UBE2Q1: variants seen among roughly 807,000 people sequenced by gnomAD.
The protein encoded by UBE2Q1 is ubiquitin conjugating enzyme E2 Q1.
A neutral mutation model predicts 60.1 loss-of-function variants in UBE2Q1; 6 were observed. The observed-to-expected ratio is 0.10, with a 90% CI of 0.05 to 0.20. The LOEUF (loss-of-function observed/expected upper bound fraction) is 0.20, where lower values mean the gene tolerates loss of function less well. Ranked by LOEUF, UBE2Q1 falls within the 10% of genes least tolerant of loss-of-function variation. UBE2Q1 has a pLI of 1.00. For missense variants in UBE2Q1, 262 were observed against 525.8 expected (o/e 0.50, Z 4.91); for synonymous variants, 226 against 208.3 (o/e 1.09, Z -0.73).
In UBE2Q1 at chr1:154,553,125, A is replaced by T. The variant is rs1261919616; in HGVS notation, c.636T>A (p.Ala212=). 1.2e-5 allele frequency: 19 copies of T among 1,613,848 alleles called. No homozygotes were observed. Among genetic ancestry groups the T allele is most frequent in the Non-Finnish European group, 1.6e-5 (19 of 1,180,036 alleles). The change falls in exon 5 of 13, where the codon GCT becomes GCA. Residue 212 remains alanine, a synonymous_variant. Transcript: ENST00000292211. ...CATCATCTTCAGATTTCTTGCCCTC[A>T]GCTGGCTCTTCCTCTTTCATTTCAT... ...DHYEMKEEEP[A]EGKKSEDDGI...
At chr1:154,557,531 A>G (rs1323349292) in intron 1 of UBE2Q1, among the ~76,000 whole-genome samples, 1 of 152,170 alleles carries the variant, frequency 6.6e-6, no homozygotes, top group Non-Finnish European at 1.5e-5. Flanking sequence ...TCACATCACT[A>G]TCATTACCAG....
chr1:154,550,255 TTCTG>T lies in UBE2Q1; in HGVS notation c.*179_*182del. The T allele has an allele frequency of 1.2e-6, 1 of 842,258 alleles. No individual in the cohort carries two copies. Among genetic ancestry groups the T allele is most frequent in the East Asian group, 2.5e-5 (1 of 39,820 alleles). The allele number at this position is 842,258 out of a possible 1,614,324, so 52.2% of individuals were successfully genotyped here. The stretch of plus-strand genomic sequence containing the variant: ...AGTCAGTCTTGAGTACTTGAAACAG[TTCTG>T]TGTTTGTTTTTTTTCCTTAGCGTTT... On this transcript the variant is annotated 3_prime_UTR_variant, in exon 13 of 13. Transcript: ENST00000292211.
At chr1:154,557,097 C>A (rs555923350) in intron 1 of UBE2Q1, among the ~76,000 whole-genome samples, 1 of 152,302 alleles carries the variant, frequency 6.6e-6, no homozygotes, top group Admixed American at 6.5e-5. Flanking sequence ...TTTGGTGGGG[C>A]ACCAATCAAT....
rs1341811532 is a variant in UBE2Q1, at chr1:154,552,406, G to C, written c.873C>G (p.Leu291=). 1 of 1,614,220 alleles carries C rather than the reference G, an allele frequency of 6.2e-7. No individual in the cohort carries two copies. The highest frequency in any genetic ancestry group is 1.7e-5 in the Admixed American group (1 of 60,028). ...CCAATCCCAGAGTCCCCACTCACTT[G>C]AGGAGTTTGACATTCCAATCATACA... is the stretch of plus-strand genomic sequence containing the variant. ...DSLYDWNVKL[L]KVDQDSALHN... Residue 291 remains leucine, a splice_region_variant and synonymous_variant, in exon 7 of 13, where the codon CTC becomes CTG. Coordinates refer to ENST00000292211, the MANE Select transcript of UBE2Q1 (RefSeq NM_017582.7).
intron 3 of UBE2Q1, 120 bp from the exon 4 acceptor site, chr1:154,554,905 A>G (rs1695856479): frequency 1.0e-6 from 1 of 997,540 alleles, no homozygotes; most frequent in Non-Finnish European, 1.5e-6. Flanking sequence ...TAATGCTGCC[A>G]GTCTCTCCAC....
intron 5 of UBE2Q1, 68 bp from the exon 6 acceptor site, chr1:154,552,888 G>C: frequency 1.3e-6 from 2 of 1,595,124 alleles, no homozygotes; most frequent in Non-Finnish European, 1.7e-6. Context: ...AGACCTTAGG[G>C]GCAGTCTGGC....
intron 7 of UBE2Q1, 53 bp from the exon 8 acceptor site, chr1:154,552,236 A>G (rs1009265838): frequency 5.6e-6 from 9 of 1,605,422 alleles, no homozygotes; most frequent in South Asian, 4.4e-5. Context: ...CAGGAGCTTC[A>G]TAAGGGCTCC....
At position 154,550,216 on chromosome 1, in the gene UBE2Q1, T is replaced by C. The variant is rs965761847; in HGVS notation, c.*222A>G. 4 of 545,220 alleles carry C rather than the reference T, an allele frequency of 7.3e-6. No individual in the cohort carries two copies. Among genetic ancestry groups the C allele is most frequent in the African/African-American group, 1.9e-5 (1 of 51,956 alleles). The allele number at this position is 545,220 out of a possible 1,614,324, so 33.8% of individuals were successfully genotyped here. On this transcript the variant is annotated 3_prime_UTR_variant, in exon 13 of 13. Transcript: ENST00000292211. ...GCTAGCAAGGGTTCCAGCAAGGTGG[T>C]TGGTTGGTCTGTAAGTCAGTCTTGA...
intron 3 of UBE2Q1, 52 bp downstream of exon 3, chr1:154,555,376 A>C (rs1571010211): frequency 6.8e-7 from 1 of 1,462,534 alleles, no homozygotes; most frequent in Non-Finnish European, 9.6e-7. Flanking sequence ...TTTACTGAGT[A>C]CCCTGTGGGG....
chr1:154,550,740 G>A (rs1695778622), intron 12 of UBE2Q1, 198 bp downstream of exon 12: 2 of 985,262 alleles, frequency 2.0e-6, no homozygotes, highest in African/African-American at 3.5e-5. Context: ...TCGGTGATAC[G>A]ATCATTTTGG....
intron 12 of UBE2Q1, 98 bp from the exon 13 acceptor site, chr1:154,550,567 G>A: frequency 1.3e-6 from 2 of 1,587,644 alleles, no homozygotes; most frequent in Non-Finnish European, 8.6e-7. Flanking sequence ...AGAGATAAGA[G>A]GATATTGGGG....
Position 154,558,277 on chromosome 1 carries a change from G to C in UBE2Q1, c.277C>G (p.Pro93Ala). The change falls in exon 1 of 13, where the codon CCA becomes GCA. Residue 93 changes from proline to alanine, a missense_variant. Physicochemically the swap from Pro to Ala is conservative, Grantham distance 27. Around this residue, in one of 5 missense-constraint regions of UBE2Q1, gnomAD observed 49 missense variants for 32.5 expected, o/e 1.51. Transcript: ENST00000292211. ...AGAAPGPHLP[P>A]RGSVPGDPVR... ...GGATCCCCAGGCACCGACCCCCGTG[G>C]GGGGAGATGCGGTCCGGGCGCGGCC... is the stretch of plus-strand genomic sequence containing the variant. 6.3e-7 allele frequency: 1 copy of C among 1,577,720 alleles called. No homozygotes were observed. Among genetic ancestry groups the C allele is most frequent in the South Asian group, 1.1e-5 (1 of 87,510 alleles).
At chr1:154,552,639 T>C (rs1199718714) in intron 6 of UBE2Q1, 97 bp downstream of exon 6, 62 of 1,489,610 alleles carry the variant, frequency 4.2e-5, no homozygotes, top group Non-Finnish European at 5.6e-5. Flanking sequence ...GAAAAGTTCA[T>C]AAGCACTCCT....
chr1:154,554,410 A>G (rs572667873), intron 4 of UBE2Q1, among the ~76,000 whole-genome samples: 2 of 152,362 alleles, frequency 1.3e-5, no homozygotes, highest in East Asian at 1.9e-4. Context: ...TACTTTATAG[A>G]TAAGAAAACT....
chr1:154,555,144 CAACT>C (rs1317261108), intron 3 of UBE2Q1: 1 of 553,692 alleles, frequency 1.8e-6, no homozygotes, highest in Non-Finnish European at 3.2e-6. Flanking sequence ...CAGTGGCCAC[CAACT>C]GTTATTGCTA....
intron 11 of UBE2Q1, 164 bp from the exon 12 acceptor site, chr1:154,551,168 T>C: frequency 1.1e-6 from 1 of 893,104 alleles, no homozygotes; most frequent in Non-Finnish European, 1.7e-6. Context: ...GGAGGCATAA[T>C]CCCATAGTCT....
chr1:154,555,824 A>T, intron 2 of UBE2Q1, 36 bp downstream of exon 2: 2 of 1,594,966 alleles, frequency 1.3e-6, no homozygotes, highest in Non-Finnish European at 8.6e-7. Flanking sequence ...GGGCCTCATA[A>T]GAACAAAATG....
intron 12 of UBE2Q1, 133 bp from the exon 13 acceptor site, chr1:154,550,602 T>C (rs974530012): frequency 6.6e-7 from 1 of 1,520,492 alleles, no homozygotes. Context: ...TGGGGAGAGG[T>C]GTATGGGAAG....
chr1:154,552,643 C>T, intron 6 of UBE2Q1, 93 bp downstream of exon 6: 2 of 1,490,864 alleles, frequency 1.3e-6, no homozygotes, highest in Non-Finnish European at 1.8e-6. Flanking sequence ...AGTTCATAAG[C>T]ACTCCTGGAC....
Sources: allele counts gnomAD v4.1 joint callset (sites outside exome capture counted in the v4.1 genomes callset), GRCh38; gene constraint gnomAD v4.1.1; regional missense constraint gnomAD v4.1.1; transcripts MANE v1.5; gene names NCBI Gene and HGNC (gene_info 2026-07-23, HGNC 2026-07-21).